The following UNC45A variants were observed in gnomAD, a reference collection of about 807,000 sequenced individuals.
The protein encoded by UNC45A is protein unc-45 homolog A.
In UNC45A, 78 loss-of-function variants were observed where a neutral mutation model predicts 103.2. The observed-to-expected ratio is 0.76, with a 90% CI of 0.63 to 0.91. UNC45A has a LOEUF of 0.91. Ranked by LOEUF, UNC45A falls within the 40% of genes least tolerant of loss-of-function variation. UNC45A has a pLI of 0.00. For missense variants in UNC45A, 1,193 were observed against 1,224.8 expected (o/e 0.97, Z 0.39); for synonymous variants, 495 against 504.6 (o/e 0.98, Z 0.25).
chr15:90,943,727 C>T (rs563904490), intron 8 of UNC45A, among the ~76,000 whole-genome samples: 200 of 151,552 alleles, frequency 1.3e-3, no homozygotes, highest in African/African-American at 4.7e-3. Context: ...CTCACTCTGT[C>T]GCCCAGGCTG....
upstream of UNC45A, chr15:90,935,161 A>C (rs1357790416): frequency 1.3e-5 from 9 of 685,104 alleles, no homozygotes; most frequent in Admixed American, 5.2e-5. Flanking sequence ...TCCAGAGCCA[A>C]GCGCCCCGCC....
chr15:90,953,314 A>T lies in UNC45A; in HGVS notation c.2577+4A>T. ...CTGCAGCCGCATTCCCCAAGTGGTC[A>T]GTGCCTCTTCTCAGTGGGGGAGGAG... is the stretch of plus-strand genomic sequence containing the variant. On this transcript the variant is annotated splice_donor_region_variant and intron_variant, in intron 19 of 19. Transcript: ENST00000418476. 1.9e-6 allele frequency: 3 copies of T among 1,606,694 alleles called. No individual in the cohort carries two copies. The highest frequency in any genetic ancestry group is 1.7e-6 in the Non-Finnish European group (2 of 1,176,810).
At chr15:90,934,993 A>G (rs1304918078), upstream of UNC45A, 1 of 526,426 alleles carries the variant, frequency 1.9e-6, no homozygotes, top group Non-Finnish European at 3.3e-6. Flanking sequence ...ACTGGTTGTG[A>G]CCCTGATGAC....
intron 8 of UNC45A, among the ~76,000 whole-genome samples, chr15:90,944,384 TAA>T (rs531024749): frequency 1.4e-5 from 2 of 145,148 alleles, no homozygotes; most frequent in Non-Finnish European, 1.5e-5. Flanking sequence ...GACTCTGTCT[TAA>T]AAAAAAAAAA....
intron 10 of UNC45A, chr15:90,947,178 C>T: frequency 4.2e-6 from 2 of 480,408 alleles, no homozygotes; most frequent in Non-Finnish European, 7.5e-6. Flanking sequence ...CACAGCAAGA[C>T]CCTCTCTAAA....
intron 8 of UNC45A, among the ~76,000 whole-genome samples, chr15:90,944,213 C>T (rs780867288): frequency 6.6e-6 from 1 of 151,722 alleles, no homozygotes; most frequent in African/African-American, 2.4e-5. Flanking sequence ...GGTGAAACCC[C>T]GTCTCTACTA....
chr15:90,933,837 G>T (rs1567145362), upstream of UNC45A: 1 of 388,990 alleles, frequency 2.6e-6, no homozygotes, highest in Non-Finnish European at 4.5e-6. Flanking sequence ...GGCAATGCAG[G>T]CCCCACGTTT....
At position 90,942,622 on chromosome 15, in the gene UNC45A, C is replaced by T. The variant is rs776794485; in HGVS notation, c.856+17C>T. ...TCATTGTGGGTGAGTGGAAGCAGGT[C>T]TGGGGTCTTTTGGACGTTACTGTCA... On this transcript the variant is annotated intron_variant, in intron 7 of 19. Coordinates refer to ENST00000418476, the MANE Select transcript of UNC45A (RefSeq NM_018671.5). 3 of 1,613,938 alleles carry T rather than the reference C, an allele frequency of 1.9e-6. No homozygotes were observed. The highest frequency in any genetic ancestry group is 3.3e-5 in the Admixed American group (2 of 59,992).
At chr15:90,938,530 A>G (rs1385477269) in intron 4 of UNC45A, among the ~76,000 whole-genome samples, 2 of 152,048 alleles carry the variant, frequency 1.3e-5, no homozygotes, top group Non-Finnish European at 2.9e-5. Context: ...GGAACGTGCC[A>G]TGACTGGTTA....
intron 8 of UNC45A, among the ~76,000 whole-genome samples, chr15:90,943,584 A>T (rs2036403820): frequency 6.6e-6 from 1 of 152,070 alleles, no homozygotes; most frequent in African/African-American, 2.4e-5. Context: ...CACAAGAGCT[A>T]CCCTTAGGGG....
At chr15:90,943,426 CAAAA>C (rs71154147) in intron 8 of UNC45A, among the ~76,000 whole-genome samples, 3 of 74,552 alleles carry the variant, frequency 4.0e-5, no homozygotes, top group Non-Finnish European at 5.9e-5. Context: ...GAGACTGTCT[CAAAA>C]AAAAAAAAAA....
chr15:90,947,575 G>A (rs1290267769), intron 10 of UNC45A: 4 of 575,474 alleles, frequency 7.0e-6, no homozygotes, highest in East Asian at 5.8e-5. Context: ...AGCGGCCAGC[G>A]CATCAGTGTC....
chr15:90,931,361 G>T (rs949916887), upstream of UNC45A: 4 of 1,554,252 alleles, frequency 2.6e-6, no homozygotes, highest in Admixed American at 3.9e-5. Flanking sequence ...TTCACCACCT[G>T]CGCTGCCCAC....
Position 90,953,440 on chromosome 15 carries a change from T to C in UNC45A, c.2578-19T>C. ...GAGCCTGTTGCCCAGGGGTCATATC[T>C]ACCCTGTTTTTCTCACAGACCACAC... On this transcript the variant is annotated intron_variant, in intron 19 of 19. Transcript: ENST00000418476. The C allele has an allele frequency of 6.2e-7, 1 of 1,612,514 alleles. No homozygotes were observed.
chr15:90,939,645 G>A (rs2151358784), intron 4 of UNC45A, 86 bp from the exon 5 acceptor site: 1 of 1,435,604 alleles, frequency 7.0e-7, no homozygotes, highest in Non-Finnish European at 9.8e-7. Flanking sequence ...GCCTCCCAGA[G>A]TGAGGAGCTG....
intron 8 of UNC45A, 48 bp from the exon 9 acceptor site, chr15:90,944,844 T>C (rs992815875): frequency 4.5e-6 from 7 of 1,570,530 alleles, no homozygotes; most frequent in East Asian, 2.3e-5. Context: ...CTTTTACTTG[T>C]AGGGGTTGGA....
Position 90,945,111 on chromosome 15 carries a change from A to T in UNC45A, c.1199+48A>T, listed in dbSNP as rs554881227. 1.8e-4 allele frequency: 281 copies of T among 1,601,604 alleles called. 8 individuals carry two copies. In the South Asian group the frequency reaches 2.2e-3, roughly 12 times the overall value. The stretch of plus-strand genomic sequence containing the variant: ...CCGTTGCCAGGGATTCTAGCGAAAA[A>T]GTTCTGACTCCTTGAGGAGGGGCAG... On this transcript the variant is annotated intron_variant, in intron 9 of 19. Coordinates refer to ENST00000418476, the MANE Select transcript of UNC45A (RefSeq NM_018671.5).
chr15:90,939,674 G>A (rs1010814318), intron 4 of UNC45A, 57 bp from the exon 5 acceptor site: 15 of 1,569,150 alleles, frequency 9.6e-6, no homozygotes, highest in South Asian at 3.3e-5. Context: ...TGAATAGGGA[G>A]TGTGATGTCT....
intron 5 of UNC45A, among the ~76,000 whole-genome samples, 185 bp from the exon 6 acceptor site, chr15:90,940,121 C>T (rs759180430): frequency 5.3e-5 from 8 of 152,234 alleles, no homozygotes; most frequent in Non-Finnish European, 8.8e-5. Context: ...AACCATCAAT[C>T]CCGAGAGAAG....
Sources: gnomAD v4.1 joint callset for allele counts (sites outside exome capture counted in the v4.1 genomes callset) on GRCh38, gnomAD v4.1.1 for gene constraint, MANE v1.5 for transcripts, NCBI Gene and HGNC (gene_info 2026-07-23, HGNC 2026-07-21) for gene names.